GRM7: variants seen among roughly 807,000 people sequenced by gnomAD.
The protein encoded by GRM7 is glutamate metabotropic receptor 7.
GRM7 carries 35 observed loss-of-function variants against 84.5 expected under a neutral mutation model. The observed-to-expected ratio is 0.41, with a 90% CI of 0.32 to 0.55. The LOEUF (loss-of-function observed/expected upper bound fraction) is 0.55. Among genes scored for constraint, GRM7 ranks in the 20% least tolerant of loss-of-function variants. The pLI, the probability that GRM7 is intolerant of heterozygous loss-of-function variation, is 0.19. For missense variants in GRM7, 1,003 were observed against 1,194.6 expected (o/e 0.84, Z 2.36); for synonymous variants, 487 against 455.1 (o/e 1.07, Z -0.89).
intron 4 of GRM7, among the ~76,000 whole-genome samples, chr3:7,382,288 T>A (rs1166433722): frequency 6.6e-6 from 1 of 152,190 alleles, no homozygotes; most frequent in Non-Finnish European, 1.5e-5. Context: ...AGATTTTCCA[T>A]GTATATAGGC....
At chr3:7,537,887 G>A (rs1354858473) in intron 7 of GRM7, among the ~76,000 whole-genome samples, 1 of 152,206 alleles carries the variant, frequency 6.6e-6, no homozygotes, top group African/African-American at 2.4e-5. Flanking sequence ...ATGGTCTACA[G>A]TCTGAGTCAA....
At chr3:7,680,825 T>C (rs564999782) in intron 9 of GRM7, 1 of 158,330 alleles carries the variant, frequency 6.3e-6, no homozygotes, top group Non-Finnish European at 1.4e-5. Context: ...GACACTACCA[T>C]GATAACGGCA....
At chr3:7,405,972 A>G (rs1488175073) in intron 4 of GRM7, among the ~76,000 whole-genome samples, 3 of 151,572 alleles carry the variant, frequency 2.0e-5, no homozygotes, top group African/African-American at 7.3e-5. Flanking sequence ...TATATATGTA[A>G]TATTATATAT....
At chr3:7,605,233 G>T (rs753163083) in intron 8 of GRM7, among the ~76,000 whole-genome samples, 2 of 151,988 alleles carry the variant, frequency 1.3e-5, no homozygotes, top group Non-Finnish European at 2.9e-5. Flanking sequence ...AAAAACAAAA[G>T]CTCTCTGTAG....
chr3:7,038,919 G>C (rs1024189324), intron 1 of GRM7, among the ~76,000 whole-genome samples: 1 of 151,964 alleles, frequency 6.6e-6, no homozygotes, highest in African/African-American at 2.4e-5. Context: ...CTCAGAGTGG[G>C]GTCATCAGAG....
Position 7,579,150 on chromosome 3 carries a change from G to C in GRM7, c.2244G>C (p.Lys748Asn). ...CTGAGCAAGCCAGAGGGGTTCTCAA[G>C]TGTGACATTACAGATCTCCAAATCA... ...MNPEQARGVL[K>N]CDITDLQIIC... The change falls in exon 8 of 10, where the codon AAG becomes AAC. Residue 748 changes from lysine (K) to asparagine (N), a missense_variant. By Grantham distance (94) the Lys-to-Asn change is moderately conservative. This residue lies in a region of GRM7 where 910 missense variants were observed against 1,126.0 expected (regional missense o/e 0.81). Transcript: ENST00000357716. The C allele has an allele frequency of 6.2e-7, 1 of 1,613,802 alleles. No homozygotes were observed. Among genetic ancestry groups the C allele is most frequent in the Non-Finnish European group, 8.5e-7 (1 of 1,179,724 alleles).
intron 1 of GRM7, among the ~76,000 whole-genome samples, chr3:6,964,345 T>C (rs774496052): frequency 7.2e-5 from 11 of 152,168 alleles, no homozygotes; most frequent in Non-Finnish European, 1.6e-4. Context: ...TATCCTCACT[T>C]GGTGGAAAGA....
intron 7 of GRM7, among the ~76,000 whole-genome samples, chr3:7,465,496 CA>C (rs3840244): frequency 0.35 from 52,910 of 151,974 alleles, 10,669 homozygotes; most frequent in Non-Finnish European, 0.47. Context: ...CCCAGAGCCA[CA>C]GCCCAGTTGC....
chr3:7,562,965 G>A (rs1694093678), intron 7 of GRM7, among the ~76,000 whole-genome samples: 1 of 152,048 alleles, frequency 6.6e-6, no homozygotes, highest in Non-Finnish European at 1.5e-5. Flanking sequence ...CTTTAGTTCA[G>A]AAAAGGGAAA....
At chr3:7,065,484 A>G (rs1295508551) in intron 1 of GRM7, among the ~76,000 whole-genome samples, 1 of 151,904 alleles carries the variant, frequency 6.6e-6, no homozygotes, top group Non-Finnish European at 1.5e-5. Context: ...TGCTTTGTCA[A>G]AGATCAATTG....
intron 1 of GRM7, among the ~76,000 whole-genome samples, chr3:6,976,425 T>A (rs1694000891): frequency 6.6e-6 from 1 of 152,214 alleles, no homozygotes; most frequent in South Asian, 2.1e-4. Flanking sequence ...GAAACCTGTC[T>A]GTAAGTGGGG....
At chr3:7,325,983 A>C (rs1040678975) in intron 4 of GRM7, among the ~76,000 whole-genome samples, 1 of 152,144 alleles carries the variant, frequency 6.6e-6, no homozygotes, top group Non-Finnish European at 1.5e-5. Context: ...CTACTTAAGG[A>C]AGCATCCATA....
At chr3:7,410,598 TAC>T (rs35513247) in intron 4 of GRM7, among the ~76,000 whole-genome samples, 5,170 of 142,622 alleles carry the variant, frequency 0.036, 160 homozygotes, top group African/African-American at 0.077. Flanking sequence ...TATATATATA[TAC>T]ACACACACAC....
intron 2 of GRM7, among the ~76,000 whole-genome samples, chr3:7,260,825 G>T (rs760386266): frequency 1.2e-4 from 18 of 152,012 alleles, no homozygotes; most frequent in Non-Finnish European, 2.4e-4. Context: ...GCTAAATTGA[G>T]ATCTTTCTAA....
chr3:7,331,113 CG>C (rs1413058668), intron 4 of GRM7, among the ~76,000 whole-genome samples: 1 of 152,118 alleles, frequency 6.6e-6, no homozygotes, highest in Non-Finnish European at 1.5e-5. Flanking sequence ...TCCACAAGAT[CG>C]GGGATCCATG....
chr3:7,306,492 C>T lies in GRM7; in HGVS notation c.879-6C>T, dbSNP rs868702610. The T allele has an allele frequency of 9.3e-6, 15 of 1,612,706 alleles. No individual in the cohort carries two copies. The Middle Eastern group carries it at 1.5e-3, about 160-fold the overall frequency. ...TTAATATAACTTTCCATATTTCTTT[C>T]CACAGGCAGATCCTTGCAGCAGCCA... On this transcript the variant is annotated splice_region_variant and splice_polypyrimidine_tract_variant and intron_variant, in intron 3 of 9. Coordinates refer to ENST00000357716, the MANE Select transcript of GRM7 (RefSeq NM_000844.4).
intron 1 of GRM7, among the ~76,000 whole-genome samples, chr3:6,892,053 G>T (rs796147277): frequency 6.6e-6 from 1 of 151,922 alleles, no homozygotes; most frequent in Non-Finnish European, 1.5e-5. Flanking sequence ...CATTCTTCAC[G>T]TAGTTCTCGA....
At chr3:7,038,631 C>T (rs1464637047) in intron 1 of GRM7, among the ~76,000 whole-genome samples, 1 of 152,188 alleles carries the variant, frequency 6.6e-6, no homozygotes, top group South Asian at 2.1e-4. Flanking sequence ...TTACTTTCAT[C>T]ATGATGTGTT....
At chr3:7,316,910 G>T (rs1700602523) in intron 4 of GRM7, among the ~76,000 whole-genome samples, 1 of 152,114 alleles carries the variant, frequency 6.6e-6, no homozygotes, top group South Asian at 2.1e-4. Context: ...ACACTTGCTA[G>T]AATATTCTGT....
Sources: allele counts gnomAD v4.1 joint callset (sites outside exome capture counted in the v4.1 genomes callset), GRCh38; gene constraint gnomAD v4.1.1; regional missense constraint gnomAD v4.1.1; transcripts MANE v1.5; gene names NCBI Gene and HGNC (gene_info 2026-07-23, HGNC 2026-07-21).